Variants in PRKAG2 observed in about 807,000 individuals in gnomAD.
PRKAG2 encodes 5'-AMP-activated protein kinase subunit gamma-2.
In PRKAG2, 26 loss-of-function variants were observed where a neutral mutation model predicts 69.6. The observed-to-expected ratio is 0.37, with a 90% CI of 0.27 to 0.52. The LOEUF (loss-of-function observed/expected upper bound fraction) is 0.52. Among genes scored for constraint, PRKAG2 ranks in the 20% least tolerant of loss-of-function variants. The pLI is 0.90. For missense variants in PRKAG2, 557 were observed against 740.0 expected, an observed-to-expected ratio of 0.75 and a Z score of 2.87; for synonymous variants, 293 against 285.0, an observed-to-expected ratio of 1.03 and a Z score of -0.28.
At chr7:151,740,085 G>T (rs903805781) in intron 3 of PRKAG2, among the ~76,000 whole-genome samples, 1 of 152,218 alleles carries the variant, frequency 6.6e-6, no homozygotes, top group Non-Finnish European at 1.5e-5. Flanking sequence ...ACCTGCTTTG[G>T]GAGGCACCGG....
chr7:151,814,438 G>A lies in PRKAG2; in HGVS notation c.115-27897C>T. On this transcript the variant is annotated intron_variant, in intron 1 of 15. Transcript: ENST00000287878. This position sits in a 1 kb window ranked among gnomAD's most constrained non-coding sequence, Gnocchi z 4.8. ...TACTCAGCCCCAAGGGGTCCTGGAG[G>A]TCTTCTCTTCCAGATGCTAATAAGC... The A allele has an allele frequency of 8.1e-7, 1 of 1,229,372 alleles. No individual in the cohort carries two copies. The highest frequency in any genetic ancestry group is 3.2e-5 in the East Asian group (1 of 31,612). The allele number at this position is 1,229,372 out of a possible 1,614,324, so 76.2% of individuals were successfully genotyped here.
chr7:151,873,364 G>C (rs569961194), intron 1 of PRKAG2, among the ~76,000 whole-genome samples: 2 of 152,170 alleles, frequency 1.3e-5, no homozygotes, highest in African/African-American at 4.8e-5. Flanking sequence ...TCTAGAAACA[G>C]GTGTGGTCTG....
At chr7:151,838,398 T>C (rs893818642) in intron 1 of PRKAG2, among the ~76,000 whole-genome samples, 1 of 151,912 alleles carries the variant, frequency 6.6e-6, no homozygotes, top group African/African-American at 2.4e-5. Flanking sequence ...CTCACCTGAT[T>C]TGACACAAGA....
At chr7:151,706,266 G>A (rs1439056586) in intron 3 of PRKAG2, among the ~76,000 whole-genome samples, 1 of 152,208 alleles carries the variant, frequency 6.6e-6, no homozygotes, top group Non-Finnish European at 1.5e-5. Flanking sequence ...TCTTTGCCCT[G>A]TAGCACCAAA....
intron 4 of PRKAG2, chr7:151,675,076 A>G (rs111528931): frequency 0.013 from 4,588 of 360,306 alleles, 194 homozygotes; most frequent in African/African-American, 0.089. Flanking sequence ...GCACGCCACC[A>G]CACCCAGCTA....
chr7:151,855,095 CCTCCACACACACCA>C (rs2079692151), intron 1 of PRKAG2, among the ~76,000 whole-genome samples: 1 of 47,610 alleles, frequency 2.1e-5, no homozygotes. Context: ...CACACACCAT[CCTCCACACACACCA>C]CCCTACACAC....
chr7:151,729,831 A>G (rs1281231822), intron 3 of PRKAG2, among the ~76,000 whole-genome samples: 1 of 151,890 alleles, frequency 6.6e-6, no homozygotes, highest in Non-Finnish European at 1.5e-5. Context: ...CCCTCTCCCC[A>G]TCACCCACTG....
chr7:151,653,342 A>C (rs1310392306), intron 4 of PRKAG2, among the ~76,000 whole-genome samples: 1 of 152,214 alleles, frequency 6.6e-6, no homozygotes, highest in African/African-American at 2.4e-5. Context: ...GTGCTGATTA[A>C]TATAGCTTCA....
chr7:151,617,993 G>A (rs1026867327), intron 5 of PRKAG2, among the ~76,000 whole-genome samples: 1 of 152,168 alleles, frequency 6.6e-6, no homozygotes, highest in Non-Finnish European at 1.5e-5. Flanking sequence ...GAAGAGGAAT[G>A]TGACAGTCAA....
chr7:151,674,333 G>A (rs1832557170), intron 4 of PRKAG2, among the ~76,000 whole-genome samples: 1 of 152,198 alleles, frequency 6.6e-6, no homozygotes, highest in African/African-American at 2.4e-5. Flanking sequence ...TTGGCCTCCA[G>A]AACAGTGAGA....
intron 1 of PRKAG2, among the ~76,000 whole-genome samples, chr7:151,793,102 G>T (rs143323914): frequency 2.0e-5 from 3 of 152,182 alleles, no homozygotes; most frequent in Non-Finnish European, 4.4e-5. Context: ...CCACTGAAGC[G>T]GACAACAATA....
chr7:151,841,071 C>T (rs930811923), intron 1 of PRKAG2, among the ~76,000 whole-genome samples: 1 of 152,202 alleles, frequency 6.6e-6, no homozygotes, highest in Non-Finnish European at 1.5e-5. Flanking sequence ...TCACTGCACC[C>T]TTGGCCTCCT....
At chr7:151,641,597 T>C (rs540586236) in intron 4 of PRKAG2, among the ~76,000 whole-genome samples, 5 of 151,810 alleles carry the variant, frequency 3.3e-5, no homozygotes, top group African/African-American at 9.7e-5. Flanking sequence ...CCTAGGCTGG[T>C]GCAGTGGCAC....
intron 1 of PRKAG2, among the ~76,000 whole-genome samples, chr7:151,802,949 G>T (rs942631124): frequency 3.9e-5 from 4 of 103,060 alleles, no homozygotes; most frequent in African/African-American, 1.8e-4. Flanking sequence ...TAAGCAATAT[G>T]ATATATATAT....
rs146353833 is a variant in PRKAG2, at chr7:151,780,893, A to G, written c.466+259T>C. On this transcript the variant is annotated intron_variant, in intron 3 of 15. Coordinates refer to ENST00000287878, the MANE Select transcript of PRKAG2 (RefSeq NM_016203.4). The surrounding 1 kb of genome is among the most constrained non-coding windows in gnomAD (Gnocchi z 4.2). ...GTACTGTGAGTATCAGGATGTTTAC[A>G]GTTAACCCAAGGACCTTGCTGGACC... is the stretch of plus-strand genomic sequence containing the variant. 6.1e-4 allele frequency among the ~76,000 whole-genome samples: 93 copies of G among 152,356 alleles called. 1 individual carries two copies. Among genetic ancestry groups the G allele is most frequent in the Admixed American group, 1.9e-3 (29 of 15,310 alleles).
Position 151,714,361 on chromosome 7 carries a change from C to T in PRKAG2, c.467-38724G>A, listed in dbSNP as rs537077157. ...CAGCCCTGCCATCCTCCCACACGCA[C>T]GCTGCCGTCCTCCCATCCGCGCCCC... On this transcript the variant is annotated intron_variant, in intron 3 of 15. Coordinates refer to ENST00000287878, the MANE Select transcript of PRKAG2 (RefSeq NM_016203.4). 7.6e-4 allele frequency among the ~76,000 whole-genome samples: 115 copies of T among 151,524 alleles called. 2 individuals carry two copies. In the South Asian group the frequency reaches 0.023, roughly 31 times the overall value.
At chr7:151,712,912 G>A (rs1425186380) in intron 3 of PRKAG2, among the ~76,000 whole-genome samples, 1 of 152,196 alleles carries the variant, frequency 6.6e-6, no homozygotes, top group African/African-American at 2.4e-5. Context: ...TTGGGTGCAG[G>A]ATATTTTCAG....
chr7:151,591,993 GC>G (rs1483276943), intron 6 of PRKAG2, among the ~76,000 whole-genome samples: 20 of 152,116 alleles, frequency 1.3e-4, no homozygotes, highest in African/African-American at 4.6e-4. Flanking sequence ...GAACTACTAG[GC>G]CCCCCAAGCC....
At chr7:151,820,795 C>T (rs1431518377) in intron 1 of PRKAG2, among the ~76,000 whole-genome samples, 1 of 152,238 alleles carries the variant, frequency 6.6e-6, no homozygotes, top group Non-Finnish European at 1.5e-5. Context: ...TGGGAAGCCC[C>T]ATTTTCTTTC....
Sources: gnomAD v4.1 joint callset for allele counts (sites outside exome capture counted in the v4.1 genomes callset) on GRCh38, gnomAD v4.1.1 for gene constraint, Gnocchi (gnomAD v3.1) non-coding constraint, MANE v1.5 for transcripts, NCBI Gene and HGNC (gene_info 2026-07-23, HGNC 2026-07-21) for gene names.